Variants in DSCAM observed in about 807,000 individuals in gnomAD.
DSCAM encodes cell adhesion molecule DSCAM.
In DSCAM, 47 loss-of-function variants were observed where a neutral mutation model predicts 217.7. The observed-to-expected ratio is 0.22, with a 90% CI of 0.17 to 0.28. The LOEUF is 0.28. Among genes scored for constraint, DSCAM ranks in the 10% least tolerant of loss-of-function variants. The probability of loss-of-function intolerance (pLI) is 1.00; values close to 1 mark genes in which losing one functional copy is unlikely to be tolerated. For synonymous variants in DSCAM, 1,056 were observed against 1,015.3 expected (o/e 1.04, Z -0.76); for missense variants, 2,080 against 2,618.3 (o/e 0.79, Z 4.49).
rs2297263 is a variant in DSCAM, at chr21:40,083,927, G to A, written c.4212C>T (p.Asn1404=). 83,372 of 1,612,644 alleles carry A rather than the reference G, an allele frequency of 0.052. 2,564 individuals carry two copies. The highest frequency in any genetic ancestry group is 0.1 in the African/African-American group (7,727 of 74,934). ...SITLSWLPGD[N]GGSSIRGYIL... ...TATTACCTCTGATAGAGCTGCCCCC[G>A]TTGTCTCCAGGGAGCCAAGAAAGGG... The change falls in exon 24 of 33, where the codon AAC becomes AAT. Residue 1404 remains asparagine (N), a synonymous_variant. Transcript: ENST00000400454.
At chr21:40,400,595 G>A (rs548419069) in intron 3 of DSCAM, among the ~76,000 whole-genome samples, 3 of 152,298 alleles carry the variant, frequency 2.0e-5, no homozygotes, top group Middle Eastern at 3.4e-3. Flanking sequence ...AAAAACTTTT[G>A]TTGTAGAGAC....
intron 3 of DSCAM, among the ~76,000 whole-genome samples, chr21:40,488,552 T>C (rs1048004673): frequency 2.0e-5 from 3 of 151,934 alleles, no homozygotes; most frequent in African/African-American, 7.3e-5. Context: ...GAGTGACACA[T>C]GCACAGTCAA....
chr21:40,759,958 CATTTATTT>C (rs56093065), intron 1 of DSCAM, among the ~76,000 whole-genome samples: 63,823 of 135,352 alleles, frequency 0.47, 15,495 homozygotes, highest in Admixed American at 0.56. Context: ...GATACGTTTA[CATTTATTT>C]ATTTATTTAT....
chr21:40,825,780 G>A (rs939964360), intron 1 of DSCAM, among the ~76,000 whole-genome samples: 1 of 151,942 alleles, frequency 6.6e-6, no homozygotes, highest in Non-Finnish European at 1.5e-5. Context: ...GAATTCTAGG[G>A]CATAATGCTT....
intron 3 of DSCAM, among the ~76,000 whole-genome samples, chr21:40,593,469 G>T (rs983204526): frequency 6.6e-6 from 1 of 152,010 alleles, no homozygotes; most frequent in Non-Finnish European, 1.5e-5. Context: ...GGGTCTACAG[G>T]CATGCTCCAC....
In DSCAM at chr21:40,296,055, C is replaced by T; in HGVS notation, c.2182G>A (p.Gly728Ser). Residue 728 changes from glycine (G) to serine (S), a missense_variant and splice_region_variant, in exon 10 of 33, where the codon GGT (glycine) becomes AGT (serine). By Grantham distance (56) the Gly-to-Ser change is moderately conservative. Coordinates refer to ENST00000400454, the MANE Select transcript of DSCAM (RefSeq NM_001389.5). Reference protein sequence around the residue: ...VPTIVWKFSKGAGVPQFQPIA... With the variant: ...VPTIVWKFSKSAGVPQFQPIA... Reference sequence around the variant, plus strand: ...ACAAGTAGATCAAGTAACTCCATACCTTTAGAGAATTTCCACACGATGGTA... The same window carrying T: ...ACAAGTAGATCAAGTAACTCCATACTTTTAGAGAATTTCCACACGATGGTA... 1 of 1,613,254 alleles carries T rather than the reference C, an allele frequency of 6.2e-7. No homozygotes were observed. Among genetic ancestry groups the T allele is most frequent in the Non-Finnish European group, 8.5e-7 (1 of 1,179,662 alleles).
intron 11 of DSCAM, among the ~76,000 whole-genome samples, chr21:40,203,615 G>C (rs999922991): frequency 1.3e-5 from 2 of 152,238 alleles, no homozygotes; most frequent in African/African-American, 4.8e-5. Context: ...TTTATGTTCT[G>C]AATCATCTAT....
intron 1 of DSCAM, among the ~76,000 whole-genome samples, chr21:40,717,903 G>A (rs2090859445): frequency 6.6e-6 from 1 of 152,200 alleles, no homozygotes; most frequent in African/African-American, 2.4e-5. Flanking sequence ...AGTAAACACT[G>A]AGTAGACAGG....
At chr21:40,416,800 A>T (rs915880444) in intron 3 of DSCAM, among the ~76,000 whole-genome samples, 4 of 152,232 alleles carry the variant, frequency 2.6e-5, no homozygotes, top group African/African-American at 7.2e-5. Flanking sequence ...ATAGAGCAAG[A>T]TGATTTCAGA....
rs148431863 is a variant in DSCAM at position 40,627,019 on chromosome 21, T to C, written c.508+65791A>G. 2.9e-3 allele frequency among the ~76,000 whole-genome samples: 434 copies of C among 152,222 alleles called. 1 individual carries two copies. Among genetic ancestry groups the C allele is most frequent in the African/African-American group, 9.8e-3 (409 of 41,526 alleles). On this transcript the variant is annotated intron_variant, in intron 3 of 32. Coordinates refer to ENST00000400454, the MANE Select transcript of DSCAM (RefSeq NM_001389.5). ...TCTGGTTTCCATATGCTCAGCCTAC[T>C]AGGAAGGGAGAAAGAGCTCCAGCTG...
chr21:40,482,678 A>T (rs1236871448), intron 3 of DSCAM, among the ~76,000 whole-genome samples: 1 of 152,202 alleles, frequency 6.6e-6, no homozygotes, highest in Non-Finnish European at 1.5e-5. Context: ...GGACCCTGAC[A>T]GCAGAGGGCA....
intron 28 of DSCAM, among the ~76,000 whole-genome samples, chr21:40,056,123 T>G (rs185585502): frequency 1.2e-4 from 19 of 152,318 alleles, no homozygotes; most frequent in Middle Eastern, 3.4e-3. Context: ...TCATTTCTTG[T>G]GTAAATGCTA....
intron 3 of DSCAM, among the ~76,000 whole-genome samples, chr21:40,669,440 T>C (rs1443139835): frequency 6.6e-6 from 1 of 152,188 alleles, no homozygotes; most frequent in Non-Finnish European, 1.5e-5. Flanking sequence ...ATGTGCCAGT[T>C]ACTATTCTAG....
At chr21:40,280,577 T>C (rs531781601) in intron 10 of DSCAM, among the ~76,000 whole-genome samples, 3 of 152,346 alleles carry the variant, frequency 2.0e-5, no homozygotes, top group South Asian at 2.1e-4. Flanking sequence ...AGTTTACTTA[T>C]TGGGATTTAA....
In DSCAM at chr21:40,012,992, G is replaced by C. The variant is rs2088086783; in HGVS notation, c.*42C>G. ...AAAAAAAGGTAGCTTTGATTGAATT[G>C]TTTGAATTGTATTTACAACCGCTGT... is the stretch of plus-strand genomic sequence containing the variant. On this transcript the variant is annotated 3_prime_UTR_variant, in exon 33 of 33. Transcript: ENST00000400454. 7.7e-7 allele frequency: 1 copy of C among 1,299,652 alleles called. No homozygotes were observed. The highest frequency in any genetic ancestry group is 1.5e-5 in the African/African-American group (1 of 65,842). 80.5% of individuals were successfully genotyped at this position (1,299,652 alleles called of 1,614,324 possible). A position where few individuals can be genotyped will look rare whatever the true frequency, so the allele number is the denominator to read the frequency against.
At chr21:40,816,009 C>T (rs1011514755) in intron 1 of DSCAM, among the ~76,000 whole-genome samples, 8 of 152,182 alleles carry the variant, frequency 5.3e-5, no homozygotes, top group African/African-American at 1.4e-4. Context: ...CCTGAGATCC[C>T]AAAGTCAGAG....
At position 40,495,998 on chromosome 21, in the gene DSCAM, A is replaced by G. The variant is rs79603238; in HGVS notation, c.509-126753T>C. ...CAAGGAAGTGAAAAATCTGTACACT[A>G]AAAACTACGACATTGTTAAAAGAAA... On this transcript the variant is annotated intron_variant, in intron 3 of 32. Coordinates refer to ENST00000400454, the MANE Select transcript of DSCAM (RefSeq NM_001389.5). Among the ~76,000 whole-genome samples the G allele has an allele frequency of 3.3e-3, 504 of 152,298 alleles. 1 individual carries two copies. The highest frequency in any genetic ancestry group is 0.012 in the African/African-American group (485 of 41,574).
At chr21:40,745,977 C>T (rs750107400) in intron 1 of DSCAM, among the ~76,000 whole-genome samples, 2 of 151,806 alleles carry the variant, frequency 1.3e-5, no homozygotes, top group Non-Finnish European at 2.9e-5. Context: ...AGTTGTTAAT[C>T]AGTTTAAGAT....
rs1238619141 is a variant in DSCAM, at chr21:40,017,919, T to C, written c.5687-4533A>G. ...TGTAAAAAGGGTTTTGGTAACTTGATGCATCTGAACTTTGGCTTAGAAAAA... is the reference window on the plus strand; with the variant it reads ...TGTAAAAAGGGTTTTGGTAACTTGACGCATCTGAACTTTGGCTTAGAAAAA... On this transcript the variant is annotated intron_variant, in intron 32 of 32. Coordinates refer to ENST00000400454, the MANE Select transcript of DSCAM (RefSeq NM_001389.5). Among the ~76,000 whole-genome samples the C allele has an allele frequency of 3.3e-5, 5 of 152,358 alleles. No individual in the cohort carries two copies. The Middle Eastern group carries it at 0.01, about 311-fold the overall frequency.
Sources: gnomAD v4.1 joint callset for allele counts (sites outside exome capture counted in the v4.1 genomes callset) on GRCh38, gnomAD v4.1.1 for gene constraint, MANE v1.5 for transcripts, NCBI Gene and HGNC (gene_info 2026-07-23, HGNC 2026-07-21) for gene names.